The following KCNT1 variants were observed in gnomAD, a reference collection of about 807,000 sequenced individuals.
The protein encoded by KCNT1 is potassium sodium-activated channel subfamily T member 1, also known as potassium channel subfamily T member 1.
A neutral mutation model predicts 147.8 loss-of-function variants in KCNT1; 78 were observed. The ratio of observed to expected loss-of-function variants is 0.53; its 90% CI spans 0.44 to 0.64. The LOEUF (loss-of-function observed/expected upper bound fraction) is 0.64, where lower values mean the gene tolerates loss of function less well. Among genes scored for constraint, KCNT1 ranks in the 30% least tolerant of loss-of-function variants. The probability of loss-of-function intolerance (pLI) is 0.00; values close to 1 mark genes in which losing one functional copy is unlikely to be tolerated. For synonymous variants in KCNT1, 867 were observed against 748.8 expected (o/e 1.16, Z -2.58); for missense variants, 1,419 against 1,750.3 (o/e 0.81, Z 3.38).
intron 1 of KCNT1, among the ~76,000 whole-genome samples, chr9:135,708,559 G>A (rs538150477): frequency 4.6e-5 from 7 of 152,222 alleles, no homozygotes; most frequent in African/African-American, 1.7e-4. Flanking sequence ...TTTTTTTGTT[G>A]TTGTTGTTTC....
rs1588270058 is a variant in KCNT1, at chr9:135,725,812, C to T, written c.254+11092C>T. On this transcript the variant is annotated intron_variant, in intron 2 of 30. Transcript: ENST00000371757. The stretch of plus-strand genomic sequence containing the variant: ...AGCACAGCCCCGTCCTTTTGCTGGG[C>T]GGTTTGCCTGGGCGTGTCCTAAGTT... Among the ~76,000 whole-genome samples, 4 of 152,322 alleles carry T rather than the reference C, an allele frequency of 2.6e-5. No homozygotes were observed. In the South Asian group the frequency reaches 8.3e-4, roughly 32 times the overall value.
At position 135,702,314 on chromosome 9, in the gene KCNT1, GCGGGGGCTA is replaced by G; in HGVS notation, c.58_66del (p.Gly20_Tyr22del). On this transcript the variant is annotated inframe_deletion, in exon 1 of 31. Coordinates refer to ENST00000371757, the MANE Select transcript of KCNT1 (RefSeq NM_020822.3). ...GGGGGCGTCTGCCGGGAGGCGCGCG[GCGGGGGCTA>G]CACCAACCGGACCTTCGAGTTTGAC... The G allele has an allele frequency of 6.2e-7, 1 of 1,610,838 alleles. No homozygotes were observed. Among genetic ancestry groups the G allele is most frequent in the Non-Finnish European group, 8.5e-7 (1 of 1,178,944 alleles).
chr9:135,785,253 G>T lies in KCNT1; in HGVS notation c.3157-57G>T, dbSNP rs567286986. 4.4e-6 allele frequency: 7 copies of T among 1,604,866 alleles called. No homozygotes were observed. The South Asian group carries it at 4.5e-5, about 10-fold the overall frequency. ...TTCCGTGCAGACCCCAGGCTGAGGC[G>T]GCGTGGGGGGCAGGGGTGCGCCCAC... On this transcript the variant is annotated intron_variant, in intron 27 of 30. Coordinates refer to ENST00000371757, the MANE Select transcript of KCNT1 (RefSeq NM_020822.3).
At chr9:135,703,747 C>T (rs1016951239) in intron 1 of KCNT1, among the ~76,000 whole-genome samples, 4 of 152,246 alleles carry the variant, frequency 2.6e-5, no homozygotes, top group African/African-American at 9.6e-5. Flanking sequence ...ATCACCTACC[C>T]TGCTGGGCCT....
At chr9:135,706,629 A>G (rs61122558) in intron 1 of KCNT1, among the ~76,000 whole-genome samples, 4,297 of 152,320 alleles carry the variant, frequency 0.028, 199 homozygotes, top group African/African-American at 0.098. Context: ...AAGAGGGGCA[A>G]AGAGGGCTTC....
At chr9:135,704,860 C>G (rs964950405) in intron 1 of KCNT1, among the ~76,000 whole-genome samples, 2 of 152,178 alleles carry the variant, frequency 1.3e-5, no homozygotes, top group East Asian at 3.9e-4. Context: ...CCCAAGATAC[C>G]GCCCAGCACT....
Position 135,770,331 on chromosome 9 carries a change from C to T in KCNT1, c.1653C>T (p.Arg551=), listed in dbSNP as rs1832666302. The T allele has an allele frequency of 1.9e-6, 3 of 1,611,156 alleles. No individual in the cohort carries two copies. The highest frequency in any genetic ancestry group is 2.2e-5 in the South Asian group (2 of 90,844). ...AGGAGTCTCCGGAGCAGTGGCAGCG[C>T]ATGTATGGGCGCTGCTCCGGCAACG... ...EGQESPEQWQ[R]MYGRCSGNEV... The change falls in exon 17 of 31, where the codon CGC becomes CGT. Residue 551 remains arginine, a synonymous_variant. Coordinates refer to ENST00000371757, the MANE Select transcript of KCNT1 (RefSeq NM_020822.3).
intron 3 of KCNT1, chr9:135,750,451 G>C (rs1325244036): frequency 5.6e-6 from 3 of 532,124 alleles, no homozygotes; most frequent in Non-Finnish European, 6.8e-6. Flanking sequence ...CTGGACACCA[G>C]GCTGGGTGGG....
In KCNT1 at chr9:135,786,143, G is replaced by A. The variant is rs975139512; in HGVS notation, c.3178-54G>A. On this transcript the variant is annotated intron_variant, in intron 28 of 30. Transcript: ENST00000371757. ...CCTAAGCCCCTGCCCCAAAGCCCGCGACCCTCCCGGCAGCCTCACCCCTCC... is the reference window on the plus strand; with the variant it reads ...CCTAAGCCCCTGCCCCAAAGCCCGCAACCCTCCCGGCAGCCTCACCCCTCC... The A allele has an allele frequency of 6.6e-6, 10 of 1,525,602 alleles. No individual in the cohort carries two copies. In the African/African-American group the frequency reaches 8.5e-5, roughly 13 times the overall value. 94.5% of individuals were successfully genotyped at this position (1,525,602 alleles called of 1,614,324 possible). A position where few individuals can be genotyped will look rare whatever the true frequency, so the allele number is the denominator to read the frequency against.
intron 1 of KCNT1, among the ~76,000 whole-genome samples, chr9:135,707,328 C>T (rs969952057): frequency 1.3e-5 from 2 of 152,026 alleles, no homozygotes; most frequent in African/African-American, 4.8e-5. Context: ...GGCCTCCCCA[C>T]CCTCAGGCTG....
At position 135,784,756 on chromosome 9, in the gene KCNT1, T is replaced by C. The variant is rs755073132; in HGVS notation, c.3028-5T>C. On this transcript the variant is annotated splice_polypyrimidine_tract_variant and splice_region_variant and intron_variant, in intron 26 of 30. Coordinates refer to ENST00000371757, the MANE Select transcript of KCNT1 (RefSeq NM_020822.3). ...CCCAGCCAACTCAGGGTTCCCACCC[T>C]GCAGATGAAAATCACCGAGGGCGAC... The C allele has an allele frequency of 1.9e-6, 3 of 1,612,342 alleles. No individual in the cohort carries two copies. Among genetic ancestry groups the C allele is most frequent in the Non-Finnish European group, 2.5e-6 (3 of 1,179,624 alleles).
chr9:135,744,353 G>A (rs1256691930), intron 2 of KCNT1, among the ~76,000 whole-genome samples: 1 of 152,224 alleles, frequency 6.6e-6, no homozygotes, highest in African/African-American at 2.4e-5. Flanking sequence ...CACCATGAGA[G>A]CCCCTTTGCA....
chr9:135,772,175 A>G (rs2131517511), intron 18 of KCNT1, among the ~76,000 whole-genome samples: 1 of 152,152 alleles, frequency 6.6e-6, no homozygotes, highest in African/African-American at 2.4e-5. Context: ...CGCAGTAGGC[A>G]CTCTGCCCCC....
At chr9:135,719,866 C>T (rs539699249) in intron 2 of KCNT1, among the ~76,000 whole-genome samples, 16 of 152,306 alleles carry the variant, frequency 1.1e-4, no homozygotes, top group African/African-American at 3.1e-4. Flanking sequence ...GCAGGCCTCC[C>T]GGGGTCAGAA....
rs188171050 is a variant in KCNT1 at position 135,705,201 on chromosome 9, C to T, written c.110+2833C>T. Among the ~76,000 whole-genome samples, 292 of 152,272 alleles carry T rather than the reference C, an allele frequency of 1.9e-3. 3 individuals are homozygous for T. Among genetic ancestry groups the T allele is most frequent in the Non-Finnish European group, 4.4e-4 (30 of 68,030 alleles). On this transcript the variant is annotated intron_variant, in intron 1 of 30. Transcript: ENST00000371757. ...CCTCGGAGGGTGTTGGGGGGCATCT[C>T]GGGCTCTCCCCTGAGGCTTTTTGTC...
chr9:135,742,772 G>C, intron 2 of KCNT1: 1 of 717,396 alleles, frequency 1.4e-6, no homozygotes, highest in East Asian at 2.7e-5. Flanking sequence ...GTGTCCCCAG[G>C]CTTCCTGTAG....
rs189569317 is a variant in KCNT1, at chr9:135,729,890, C to T, written c.254+15170C>T. 3.2e-3 allele frequency among the ~76,000 whole-genome samples: 487 copies of T among 152,314 alleles called. 2 individuals carry two copies. The highest frequency in any genetic ancestry group is 0.014 in the Middle Eastern group (4 of 294). On this transcript the variant is annotated intron_variant, in intron 2 of 30. Transcript: ENST00000371757. ...GGGCCAGCCCAACCCCACCACTGGG[C>T]AGGTACTTCCCCCTGGTCACCTCAA...
intron 15 of KCNT1, 29 bp downstream of exon 15, chr9:135,768,966 T>C: frequency 6.4e-7 from 1 of 1,556,754 alleles, no homozygotes; most frequent in Non-Finnish European, 8.8e-7. Flanking sequence ...TGGGTGATGG[T>C]GTATCTGGGG....
At chr9:135,762,029 G>A (rs780842481) in intron 11 of KCNT1, among the ~76,000 whole-genome samples, 3 of 152,366 alleles carry the variant, frequency 2.0e-5, no homozygotes, top group Non-Finnish European at 4.4e-5. Context: ...GGGCCAAATC[G>A]GGATGTGCAG....
Sources: allele counts gnomAD v4.1 joint callset (sites outside exome capture counted in the v4.1 genomes callset), GRCh38; gene constraint gnomAD v4.1.1; transcripts MANE v1.5; gene names NCBI Gene and HGNC (gene_info 2026-07-23, HGNC 2026-07-21).